TBC1D28: variants seen among roughly 807,000 people sequenced by gnomAD.
TBC1D28 encodes TBC1 domain family, member 28.
A neutral mutation model predicts 29.2 loss-of-function variants in TBC1D28; 20 were observed. That is an observed-to-expected ratio of 0.68 (90% CI 0.48 to 0.99). The LOEUF (loss-of-function observed/expected upper bound fraction) is 0.99, where lower values mean the gene tolerates loss of function less well. Ranked by LOEUF, TBC1D28 falls within the 50% of genes least tolerant of loss-of-function variation. TBC1D28 has a pLI of 0.00. For synonymous variants in TBC1D28, 65 were observed against 90.9 expected, an observed-to-expected ratio of 0.71 and a Z score of 1.62; for missense variants, 205 against 243.7, an observed-to-expected ratio of 0.84 and a Z score of 1.06.
At chr17:18,637,742 G>T (rs529379709) in intron 8 of TBC1D28, 122 bp downstream of exon 9, 2 of 1,340,298 alleles carry the variant, frequency 1.5e-6, no homozygotes, top group Non-Finnish European at 2.1e-6. Flanking sequence ...CCCTGGGCCA[G>T]GAGAGCCCTT....
rs768820603 is a variant in TBC1D28, at chr17:18,637,966, T to G, written c.395A>C (p.Lys132Thr). The G allele has an allele frequency of 3.2e-6, 5 of 1,542,780 alleles. No homozygotes were observed. Among genetic ancestry groups the G allele is most frequent in the African/African-American group, 1.4e-5 (1 of 71,922 alleles). The change falls in exon 8 of 9, where the codon AAG becomes ACG. Residue 132 changes from lysine to threonine, a missense_variant. Transcript: ENST00000345096. Reference sequence around the variant, plus strand: ...TCTGGAGGACCTCTTGCCCTTCTCCTTCATGACCTGTAGGGCGGGGCCAAG... The same window carrying G: ...TCTGGAGGACCTCTTGCCCTTCTCCGTCATGACCTGTAGGGCGGGGCCAAG...
intron 4 of TBC1D28, among the ~76,000 whole-genome samples, chr17:18,640,479 C>T (rs1340711677): frequency 6.6e-6 from 1 of 151,866 alleles, no homozygotes; most frequent in African/African-American, 2.4e-5. Flanking sequence ...CAGTTGCATG[C>T]TCTGTTGTCC....
In TBC1D28 at chr17:18,636,170, G is replaced by A. The variant is rs1315454797; in HGVS notation, c.*292C>T. ...CAAAGGGGAAATTGGATCCTTGCCA[G>A]GTTTCCAGTGAAGAAGAGGCTCCCC... On this transcript the variant is annotated 3_prime_UTR_variant, in exon 9 of 9. Transcript: ENST00000345096. 5.0e-6 allele frequency: 6 copies of A among 1,200,538 alleles called. No homozygotes were observed. The East Asian group carries it at 1.9e-4, about 39-fold the overall frequency. 74.4% of individuals were successfully genotyped at this position (1,200,538 alleles called of 1,614,324 possible).
At chr17:18,640,619 A>T (rs866575532) in intron 4 of TBC1D28, among the ~76,000 whole-genome samples, 16,360 of 142,298 alleles carry the variant, frequency 0.11, 1,009 homozygotes, top group African/African-American at 0.12. Context: ...GCCCTCAGAG[A>T]TCTGCTATAC....
chr17:18,638,428 CAGA>C lies in TBC1D28; in HGVS notation c.280-11_280-9del, dbSNP rs776489570. 273 of 1,614,086 alleles carry C rather than the reference CAGA, an allele frequency of 1.7e-4. No individual in the cohort carries two copies. The highest frequency in any genetic ancestry group is 2.2e-4 in the Non-Finnish European group (260 of 1,179,972). ...GCATACTCTTTGAGACAGCTACAGA[CAGA>C]AGAACACTCCAGTGAGAAAGGACAT... On this transcript the variant is annotated splice_polypyrimidine_tract_variant and intron_variant, in intron 6 of 8. Transcript: ENST00000345096.
chr17:18,644,130 C>G (rs2031891989), upstream of TBC1D28, among the ~76,000 whole-genome samples: 2 of 151,810 alleles, frequency 1.3e-5, no homozygotes, highest in South Asian at 4.2e-4. Flanking sequence ...CATTCGGGGA[C>G]AGCACCCACC....
Position 18,635,509 on chromosome 17 carries a change from A to T in TBC1D28, c.*953T>A, listed in dbSNP as rs1198218277. 13 of 856,100 alleles carry T rather than the reference A, an allele frequency of 1.5e-5. No individual in the cohort carries two copies. The African/African-American group carries it at 2.2e-4, about 14-fold the overall frequency. The allele number at this position is 856,100 out of a possible 1,614,324, so 53.0% of individuals were successfully genotyped here. ...ATGAAATGGGCACCGCGTGCTTTCC[A>T]TGCAAAAGACACGAAGTCTGGAGTT... On this transcript the variant is annotated 3_prime_UTR_variant, in exon 9 of 9. Transcript: ENST00000345096.
downstream of TBC1D28, chr17:18,634,865 C>G (rs1197468041): frequency 6.7e-5 from 10 of 149,756 alleles, no homozygotes; most frequent in African/African-American, 1.9e-4. Flanking sequence ...GCCGCCTCAG[C>G]CGCCTCAGCC....
chr17:18,641,499 T>C, intron 2 of TBC1D28, 133 bp downstream of exon 3: 1 of 888,170 alleles, frequency 1.1e-6, no homozygotes. Flanking sequence ...CCAGACTCAG[T>C]GGCCCCACCC....
At chr17:18,634,757 G>A (rs1485283905), downstream of TBC1D28, among the ~76,000 whole-genome samples, 1 of 152,276 alleles carries the variant, frequency 6.6e-6, no homozygotes, top group Admixed American at 6.5e-5. Context: ...GACGTGCGGT[G>A]GACCCTGCGG....
chr17:18,638,185 C>T (rs2031591210), intron 7 of TBC1D28, 128 bp downstream of exon 8: 5 of 1,300,370 alleles, frequency 3.8e-6, no homozygotes, highest in Non-Finnish European at 5.4e-6. Context: ...CATCTATGCC[C>T]AGGATGTGCA....
At chr17:18,636,330 G>A in exon 9 of TBC1D28, 7 of 1,483,734 alleles carry the variant, frequency 4.7e-6, no homozygotes, top group Non-Finnish European at 6.2e-6. Context: ...CACCAGGAGG[G>A]GAAGGTCATT....
chr17:18,638,547 A>G, intron 6 of TBC1D28, 74 bp downstream of exon 7: 1 of 1,488,726 alleles, frequency 6.7e-7, no homozygotes, highest in Non-Finnish European at 9.0e-7. Context: ...GCACCCACCC[A>G]GGCCAAAACC....
chr17:18,641,443 C>T, intron 2 of TBC1D28, 90 bp from the exon 4 acceptor site: 2 of 1,042,218 alleles, frequency 1.9e-6, no homozygotes, highest in South Asian at 2.9e-5. Flanking sequence ...AGACACACTC[C>T]AGTCTGGTGA....
At chr17:18,634,379 G>C (rs2031380029), downstream of TBC1D28, among the ~76,000 whole-genome samples, 1 of 151,814 alleles carries the variant, frequency 6.6e-6, no homozygotes, top group South Asian at 2.1e-4. Flanking sequence ...ATGCAAAGGA[G>C]TCTTCCCACC....
At chr17:18,634,589 T>C (rs1474555013), downstream of TBC1D28, among the ~76,000 whole-genome samples, 1 of 152,152 alleles carries the variant, frequency 6.6e-6, no homozygotes, top group East Asian at 1.9e-4. Flanking sequence ...AAAACACAGT[T>C]CATCCTCAGT....
In TBC1D28 at chr17:18,638,902, G is replaced by A. The variant is rs534091528; in HGVS notation, c.199-201C>T. On this transcript the variant is annotated intron_variant, in intron 5 of 8. Transcript: ENST00000345096. ...TGATGCCAGGACATGCCATCCTCAG[G>A]CCATAGAGGCCCCAAGTTTTGGTCA... 3.3e-5 allele frequency: 26 copies of A among 797,978 alleles called. No individual in the cohort carries two copies. In the African/African-American group the frequency reaches 4.2e-4, roughly 13 times the overall value. The allele number at this position is 797,978 out of a possible 1,614,324, so 49.4% of individuals were successfully genotyped here.
At chr17:18,641,571 G>A (rs889956209) in intron 2 of TBC1D28, 61 bp downstream of exon 3, 3 of 608,698 alleles carry the variant, frequency 4.9e-6, no homozygotes, top group Non-Finnish European at 8.7e-6. Context: ...GAGGATTTGA[G>A]CACACGGGGA....
At chr17:18,635,469 C>T (rs1242640866) in exon 9 of TBC1D28, 5 of 689,792 alleles carry the variant, frequency 7.2e-6, no homozygotes, top group Non-Finnish European at 8.9e-6. Context: ...GTTTGGACTC[C>T]GGGGTGCGGT....
Sources: gnomAD v4.1 joint callset for allele counts (sites outside exome capture counted in the v4.1 genomes callset) on GRCh38, gnomAD v4.1.1 for gene constraint, MANE v1.5 for transcripts, NCBI Gene and HGNC (gene_info 2026-07-23, HGNC 2026-07-21) for gene names.